CHMP6: variants seen among roughly 807,000 people sequenced by gnomAD.
CHMP6 encodes chromatin-modifying protein 6.
In CHMP6, 10 loss-of-function variants were observed where a neutral mutation model predicts 32.8. The ratio of observed to expected loss-of-function variants is 0.30; its 90% confidence interval spans 0.19 to 0.52. CHMP6 has a LOEUF of 0.52. CHMP6 is among the 20% of genes least tolerant of loss of function. CHMP6 has a pLI of 0.97. For synonymous variants in CHMP6, 123 were observed against 105.8 expected (o/e 1.16, Z -1.00); for missense variants, 269 against 263.8 (o/e 1.02, Z -0.14).
At position 80,995,769 on chromosome 17, in the gene CHMP6, G is replaced by T; in HGVS notation, c.348+11G>T. On this transcript the variant is annotated intron_variant, in intron 4 of 7. Transcript: ENST00000325167. ...AACAAGATGCACCAGGTGAGTCTCTGCAGGGCCAGGGGCATGGAGGTGTGG... is the reference window on the plus strand; with the variant it reads ...AACAAGATGCACCAGGTGAGTCTCTTCAGGGCCAGGGGCATGGAGGTGTGG... 6.2e-7 allele frequency: 1 copy of T among 1,613,240 alleles called. No individual in the cohort carries two copies. Among genetic ancestry groups the T allele is most frequent in the Non-Finnish European group, 8.5e-7 (1 of 1,179,320 alleles).
At chr17:80,998,273 C>T (rs576811867) in intron 6 of CHMP6, 93 bp from the exon 7 acceptor site, 113 of 1,425,854 alleles carry the variant, frequency 7.9e-5, no homozygotes, top group Non-Finnish European at 1.1e-4. Flanking sequence ...CTGAGAGCGG[C>T]TGACGGACAG....
chr17:80,998,429 A>C lies in CHMP6; in HGVS notation c.550+9A>C. On this transcript the variant is annotated intron_variant, in intron 7 of 7. Transcript: ENST00000325167. ...TCCTGAGAAGATCCCAGGTATTTCC[A>C]TGTTTGATTCTTTTGAATGGTTGGA... 1 of 1,614,056 alleles carries C rather than the reference A, an allele frequency of 6.2e-7. No individual in the cohort carries two copies. The highest frequency in any genetic ancestry group is 1.1e-5 in the South Asian group (1 of 91,082).
intron 6 of CHMP6, among the ~76,000 whole-genome samples, chr17:80,997,852 T>C (rs2069652711): frequency 6.6e-6 from 1 of 152,240 alleles, no homozygotes; most frequent in Non-Finnish European, 1.5e-5. Flanking sequence ...GCCCTGGTGC[T>C]GTGCGGCCCA....
chr17:80,997,185 C>G, intron 5 of CHMP6, 76 bp from the exon 6 acceptor site: 1 of 1,601,946 alleles, frequency 6.2e-7, no homozygotes, highest in Non-Finnish European at 8.5e-7. Flanking sequence ...GGGGACGAGA[C>G]CCAGCCACAG....
At chr17:80,994,758 CCT>C (rs1211880369) in intron 2 of CHMP6, 68 bp downstream of exon 2, 77 of 461,006 alleles carry the variant, frequency 1.7e-4, no homozygotes, top group Admixed American at 7.4e-4. Context: ...GCGTGGGCAC[CCT>C]GTCGGCTGGG....
intron 3 of CHMP6, 66 bp from the exon 4 acceptor site, chr17:80,995,605 GC>G: frequency 7.0e-7 from 1 of 1,426,090 alleles, no homozygotes; most frequent in Non-Finnish European, 9.8e-7. Context: ...CCTGAACCCT[GC>G]CCCAGGGCCG....
In CHMP6 at chr17:80,991,985, AGGGCCC is replaced by A; in HGVS notation, c.63+14_63+19del. ...GGAGCAGGACAAGGCCATCCTGGTG[AGGGCCC>A]GGGCCCGGGGTCAGGGCTGGGGCCG... On this transcript the variant is annotated splice_donor_5th_base_variant and intron_variant, in intron 1 of 7. Transcript: ENST00000325167. 1 of 1,425,124 alleles carries A rather than the reference AGGGCCC, an allele frequency of 7.0e-7. No homozygotes were observed. Among genetic ancestry groups the A allele is most frequent in the Non-Finnish European group, 9.3e-7 (1 of 1,078,112 alleles). 88.3% of individuals were successfully genotyped at this position (1,425,124 alleles called of 1,614,324 possible).
intron 3 of CHMP6, 90 bp from the exon 4 acceptor site, chr17:80,995,582 G>A (rs919604929): frequency 6.3e-6 from 7 of 1,115,596 alleles, no homozygotes; most frequent in East Asian, 4.7e-5. Context: ...CACCCGCCCA[G>A]CAAGGGTGTC....
rs774668805 is a variant in CHMP6 at position 80,994,675 on chromosome 17, G to A, written c.158G>A (p.Arg53Gln). The A allele has an allele frequency of 5.1e-6, 8 of 1,574,736 alleles. No individual in the cohort carries two copies. The highest frequency in any genetic ancestry group is 4.6e-5 in the East Asian group (2 of 43,236). ...RERALARQLL[R>Q]DGRKERAKLL... ...CGCGCCCTGGCCCGGCAGCTGCTGCGGGACGGCAGGAAGGAGTGAGTGGGG... is the reference window on the plus strand; with the variant it reads ...CGCGCCCTGGCCCGGCAGCTGCTGCAGGACGGCAGGAAGGAGTGAGTGGGG... The change falls in exon 2 of 8, where the codon CGG (arginine) becomes CAG (glutamine). Residue 53 changes from arginine (R) to glutamine (Q), a missense_variant. Transcript: ENST00000325167.
chr17:80,992,640 G>A (rs1205285825), intron 1 of CHMP6, among the ~76,000 whole-genome samples: 1 of 152,186 alleles, frequency 6.6e-6, no homozygotes, highest in African/African-American at 2.4e-5. Context: ...TGGCGCGTTT[G>A]TTTGCGGCGA....
In CHMP6 at chr17:80,994,619, G is replaced by T. The variant is rs1390997215; in HGVS notation, c.102G>T (p.Gln34His). The T allele has an allele frequency of 1.3e-6, 2 of 1,586,508 alleles. No individual in the cohort carries two copies. The highest frequency in any genetic ancestry group is 1.7e-6 in the Non-Finnish European group (2 of 1,168,570). The change falls in exon 2 of 8, where the codon CAG (glutamine) becomes CAT (histidine). Residue 34 changes from glutamine to histidine, a missense_variant. By Grantham distance (24) the Gln-to-His change is conservative. Transcript: ENST00000325167. ...AGCGGGACAAGCTGAGGCAGTACCA[G>T]AAGAGGATCGCCCAGCAGCTGGAGC... ...KQQRDKLRQY[Q>H]KRIAQQLERE...
At position 80,999,409 on chromosome 17, in the gene CHMP6, G is replaced by A; in HGVS notation, c.*256G>A. ...CGACCGAGCCCAGCTTCTGCCGGTT[G>A]TGGGCTCCCCCGGTGGCCGAGGCCC... On this transcript the variant is annotated 3_prime_UTR_variant, in exon 8 of 8. Transcript: ENST00000325167. 1 of 484,262 alleles carries A rather than the reference G, an allele frequency of 2.1e-6. No homozygotes were observed. The highest frequency in any genetic ancestry group is 3.8e-6 in the Non-Finnish European group (1 of 265,212). 30.0% of individuals were successfully genotyped at this position (484,262 alleles called of 1,614,324 possible). A position where few individuals can be genotyped will look rare whatever the true frequency, so the allele number is the denominator to read the frequency against.
chr17:80,997,829 C>G (rs561131426), intron 6 of CHMP6, among the ~76,000 whole-genome samples: 1 of 152,262 alleles, frequency 6.6e-6, no homozygotes, highest in Non-Finnish European at 1.5e-5. Flanking sequence ...GCCCTGCTGC[C>G]AGCTGCCCCG....
intron 6 of CHMP6, among the ~76,000 whole-genome samples, chr17:80,997,882 C>T (rs1458639638): frequency 6.6e-6 from 1 of 152,240 alleles, no homozygotes; most frequent in Non-Finnish European, 1.5e-5. Flanking sequence ...CACCCACTTG[C>T]TTGTCCAGTT....
At position 81,000,120 on chromosome 17, in the gene CHMP6, G is replaced by A. The variant is rs2069673369; in HGVS notation, c.*967G>A. The stretch of plus-strand genomic sequence containing the variant: ...GACAGGCCGGCCCGTATTAAAGTTG[G>A]CCCTGCACGCCCACTGCCTCGTGGA... On this transcript the variant is annotated 3_prime_UTR_variant, in exon 8 of 8. Coordinates refer to ENST00000325167, the MANE Select transcript of CHMP6 (RefSeq NM_024591.5). 1 of 152,226 alleles carries A rather than the reference G, an allele frequency of 6.6e-6. No individual in the cohort carries two copies. The highest frequency in any genetic ancestry group is 2.1e-4 in the South Asian group (1 of 4,828). The allele number at this position is 152,226 out of a possible 1,614,324, so 9.4% of individuals were successfully genotyped here. A position where few individuals can be genotyped will look rare whatever the true frequency, so the allele number is the denominator to read the frequency against.
At chr17:80,994,306 G>A (rs923207782) in intron 1 of CHMP6, among the ~76,000 whole-genome samples, 1 of 152,212 alleles carries the variant, frequency 6.6e-6, no homozygotes, top group African/African-American at 2.4e-5. Context: ...TGGACCCACA[G>A]CAATGCCACG....
intron 7 of CHMP6, 79 bp downstream of exon 7, chr17:80,998,499 G>T: frequency 6.2e-7 from 1 of 1,611,298 alleles, no homozygotes; most frequent in South Asian, 1.1e-5. Flanking sequence ...AAGACAGAAT[G>T]CTCCCAGGCC....
rs764679129 is a variant in CHMP6, at chr17:80,997,017, T to C, written c.359T>C (p.Ile120Thr). The change falls in exon 5 of 8, where the codon ATT becomes ACT. Residue 120 changes from isoleucine (I) to threonine (T), a missense_variant. By Grantham distance (89) the Ile-to-Thr change is moderately conservative (BLOSUM62 -1). Coordinates refer to ENST00000325167, the MANE Select transcript of CHMP6 (RefSeq NM_024591.5). ...CLNKMHQVMS[I>T]EEVERILDET... The stretch of plus-strand genomic sequence containing the variant: ...CACCCTCGTCCACAGGTGATGTCCA[T>C]TGAAGAGGTGGAGAGGATCCTGGAC... 5.0e-6 allele frequency: 8 copies of C among 1,613,708 alleles called. No homozygotes were observed. The South Asian group carries it at 7.7e-5, about 16-fold the overall frequency.
At chr17:80,993,056 C>T (rs2069606555) in intron 1 of CHMP6, among the ~76,000 whole-genome samples, 1 of 152,176 alleles carries the variant, frequency 6.6e-6, no homozygotes, top group South Asian at 2.1e-4. Flanking sequence ...CTCCATCGTC[C>T]ACCTTCCACC....
Sources: allele counts gnomAD v4.1 joint callset (sites outside exome capture counted in the v4.1 genomes callset), GRCh38; gene constraint gnomAD v4.1.1; transcripts MANE v1.5; gene names NCBI Gene and HGNC (gene_info 2026-07-23, HGNC 2026-07-21).